DDX10: variants seen among roughly 807,000 people sequenced by gnomAD.
The protein encoded by DDX10 is probable ATP-dependent RNA helicase DDX10.
In DDX10, 74 loss-of-function variants were observed where a neutral mutation model predicts 104.3. The ratio of observed to expected loss-of-function variants is 0.71; its 90% CI spans 0.59 to 0.86. DDX10 has a LOEUF of 0.86. DDX10 is among the 40% of genes least tolerant of loss of function. DDX10 has a pLI of 0.00. For synonymous variants in DDX10, 351 were observed against 353.4 expected, an observed-to-expected ratio of 0.99 and a Z score of 0.08; for missense variants, 952 against 1,040.0, an observed-to-expected ratio of 0.92 and a Z score of 1.16.
At chr11:108,842,598 T>C (rs1281256866) in intron 15 of DDX10, among the ~76,000 whole-genome samples, 1 of 152,206 alleles carries the variant, frequency 6.6e-6, no homozygotes, top group Non-Finnish European at 1.5e-5. Flanking sequence ...GGAAAATGAA[T>C]GTTGAGAAAA....
Position 108,841,335 on chromosome 11 carries a change from A to G in DDX10, c.2106A>G (p.Gln702=), listed in dbSNP as rs576202761. The change falls in exon 15 of 18, where the codon CAA becomes CAG. Residue 702 remains glutamine (Q), a synonymous_variant. Transcript: ENST00000322536. ...TGTAGTTGGTTCAGCAGTGGCCACAAATGCAGAAATCTGCCATCAAGGATG... is the reference window on the plus strand; with the variant it reads ...TGTAGTTGGTTCAGCAGTGGCCACAGATGCAGAAATCTGCCATCAAGGATG... ...DEGELVQQWP[Q]MQKSAIKDAE... The G allele has an allele frequency of 1.7e-4, 280 of 1,613,228 alleles. 4 individuals carry two copies. In the South Asian group the frequency reaches 2.4e-3, roughly 14 times the overall value.
intron 15 of DDX10, among the ~76,000 whole-genome samples, chr11:108,843,266 T>G (rs1312033996): frequency 2.6e-5 from 4 of 152,096 alleles, no homozygotes; most frequent in African/African-American, 9.7e-5. Context: ...AGATTCTGTC[T>G]CTTTAAAAAA....
intron 15 of DDX10, among the ~76,000 whole-genome samples, chr11:108,844,038 A>G (rs530333627): frequency 7.2e-5 from 11 of 152,316 alleles, no homozygotes; most frequent in African/African-American, 2.6e-4. Context: ...TGTCTCCATG[A>G]CTATCTCATA....
chr11:108,820,527 C>T (rs1010601748), intron 13 of DDX10, among the ~76,000 whole-genome samples: 10 of 152,196 alleles, frequency 6.6e-5, no homozygotes, highest in African/African-American at 7.2e-5. Flanking sequence ...AATAAGTGGC[C>T]GGTCAAATGT....
chr11:108,827,915 T>C (rs956637339), intron 13 of DDX10, among the ~76,000 whole-genome samples: 5 of 152,218 alleles, frequency 3.3e-5, no homozygotes, highest in African/African-American at 9.6e-5. Flanking sequence ...TCTTTATTTG[T>C]GGTAGAAGAC....
At chr11:108,692,966 A>G (rs998009225) in intron 8 of DDX10, among the ~76,000 whole-genome samples, 3 of 152,224 alleles carry the variant, frequency 2.0e-5, no homozygotes, top group African/African-American at 4.8e-5. Flanking sequence ...TTACATAGGT[A>G]TACATGTGCC....
At chr11:108,764,362 C>T (rs995060951) in intron 13 of DDX10, among the ~76,000 whole-genome samples, 2 of 152,098 alleles carry the variant, frequency 1.3e-5, no homozygotes, top group African/African-American at 4.8e-5. Context: ...CTCCAAGGCA[C>T]AACACTTCTA....
At chr11:108,754,408 C>T (rs7110657) in intron 13 of DDX10, among the ~76,000 whole-genome samples, 2,332 of 151,954 alleles carry the variant, frequency 0.015, 52 homozygotes, top group African/African-American at 0.053. Context: ...CTGCCATAAT[C>T]GAGTTTTCAG....
At chr11:108,712,087 A>G (rs2094285202) in intron 10 of DDX10, among the ~76,000 whole-genome samples, 2 of 152,204 alleles carry the variant, frequency 1.3e-5, no homozygotes, top group Admixed American at 1.3e-4. Context: ...ATTGCTTGGA[A>G]GTCTGCTCTG....
chr11:108,824,083 C>G (rs1235566364), intron 13 of DDX10, among the ~76,000 whole-genome samples: 1 of 152,118 alleles, frequency 6.6e-6, no homozygotes, highest in Non-Finnish European at 1.5e-5. Context: ...TGCTCTGTGT[C>G]CCAGGCTGGA....
chr11:108,913,936 T>A (rs1863712547), intron 16 of DDX10, among the ~76,000 whole-genome samples: 1 of 152,206 alleles, frequency 6.6e-6, no homozygotes, highest in Non-Finnish European at 1.5e-5. Context: ...TATTCCACAT[T>A]TTATTGGTCA....
At chr11:108,888,484 G>T (rs967947613) in intron 16 of DDX10, among the ~76,000 whole-genome samples, 1 of 152,074 alleles carries the variant, frequency 6.6e-6, no homozygotes, top group South Asian at 2.1e-4. Flanking sequence ...AAGGTCATAT[G>T]CCATTTGCTT....
intron 8 of DDX10, among the ~76,000 whole-genome samples, chr11:108,693,276 C>T (rs536310508): frequency 2.2e-4 from 33 of 152,292 alleles, no homozygotes; most frequent in African/African-American, 6.5e-4. Context: ...CTGTCTCTTC[C>T]GTGTCAGATA....
chr11:108,893,807 T>C (rs369918129), intron 16 of DDX10, among the ~76,000 whole-genome samples: 50 of 152,212 alleles, frequency 3.3e-4, no homozygotes, highest in Middle Eastern at 3.4e-3. Context: ...GGGACTGATA[T>C]GCAAGATTAG....
At chr11:108,793,287 A>T (rs2134549980) in intron 13 of DDX10, among the ~76,000 whole-genome samples, 1 of 152,320 alleles carries the variant, frequency 6.6e-6, no homozygotes, top group South Asian at 2.1e-4. Context: ...ATTCTTTCAC[A>T]TAATGAGTCC....
At chr11:108,898,660 G>GAA (rs754676674) in intron 16 of DDX10, among the ~76,000 whole-genome samples, 30 of 104,748 alleles carry the variant, frequency 2.9e-4, no homozygotes, top group South Asian at 2.8e-3. Context: ...AAATTTTGGA[G>GAA]AAAAAAAAAA....
At chr11:108,749,749 A>G (rs1345045651) in intron 13 of DDX10, among the ~76,000 whole-genome samples, 1 of 152,198 alleles carries the variant, frequency 6.6e-6, no homozygotes, top group East Asian at 1.9e-4. Flanking sequence ...CAGAATTTTA[A>G]CTAGCTGTTT....
At chr11:108,712,380 C>A (rs1014786216) in intron 10 of DDX10, among the ~76,000 whole-genome samples, 5 of 151,794 alleles carry the variant, frequency 3.3e-5, no homozygotes, top group African/African-American at 1.2e-4. Flanking sequence ...TTACTTTTGT[C>A]TCCTCTCTTT....
intron 6 of DDX10, among the ~76,000 whole-genome samples, chr11:108,684,176 C>CTTTTTTTTTTTTTTTTTTTTTTTTT (rs55949043): frequency 2.2e-4 from 6 of 26,672 alleles, no homozygotes; most frequent in African/African-American, 3.3e-4. Context: ...TATAGATTTT[C>CTTTTTTTTTTTTTTTTTTTTTTTTT]TTTTTTTTTT....
Sources: gnomAD v4.1 joint callset for allele counts (sites outside exome capture counted in the v4.1 genomes callset) on GRCh38, gnomAD v4.1.1 for gene constraint, MANE v1.5 for transcripts, NCBI Gene and HGNC (gene_info 2026-07-23, HGNC 2026-07-21) for gene names.